NDUFC1: variants seen among roughly 807,000 people sequenced by gnomAD.
NDUFC1 encodes NADH dehydrogenase [ubiquinone] 1 subunit C1, mitochondrial.
NDUFC1 carries 11 observed loss-of-function variants against 11.6 expected under a neutral mutation model. The ratio of observed to expected loss-of-function variants is 0.95; its 90% CI spans 0.60 to 1.58. The LOEUF is 1.58. Among genes scored for constraint, NDUFC1 ranks in the 40% most tolerant of loss-of-function variants. The pLI is 0.00. For synonymous variants in NDUFC1, 52 were observed against 42.2 expected, an observed-to-expected ratio of 1.23 and a Z score of -0.90; for missense variants, 112 against 93.0, an observed-to-expected ratio of 1.20 and a Z score of -0.84.
At chr4:139,298,215 G>A (rs941850828) in intron 1 of NDUFC1, among the ~76,000 whole-genome samples, 14 of 152,130 alleles carry the variant, frequency 9.2e-5, no homozygotes, top group East Asian at 5.8e-4. Context: ...CGAGGCGGGC[G>A]GATCACCTGA....
chr4:139,292,345 C>G (rs1051641954), intron 5 of NDUFC1, among the ~76,000 whole-genome samples, 185 bp downstream of exon 5: 2 of 151,788 alleles, frequency 1.3e-5, no homozygotes, highest in East Asian at 1.9e-4. Flanking sequence ...CCCCATCCCC[C>G]CCAAAACAAA....
chr4:139,291,737 T>C (rs1161163002), intron 5 of NDUFC1, among the ~76,000 whole-genome samples: 1 of 152,152 alleles, frequency 6.6e-6, no homozygotes, highest in Non-Finnish European at 1.5e-5. Flanking sequence ...CAAACAGACA[T>C]TAAGAAATAC....
At chr4:139,291,000 TG>T (rs1745187751) in intron 5 of NDUFC1, among the ~76,000 whole-genome samples, 1 of 151,396 alleles carries the variant, frequency 6.6e-6, no homozygotes. Context: ...TTAGTACTGA[TG>T]GGGTTTCGCC....
At chr4:139,301,764 G>T in intron 1 of NDUFC1, 1 of 1,566,852 alleles carries the variant, frequency 6.4e-7, no homozygotes, top group African/African-American at 1.4e-5. Flanking sequence ...GGAGCAGCGG[G>T]AGCAGCCGGA....
At chr4:139,302,358 C>G (rs1468154380) in intron 1 of NDUFC1, 58 bp downstream of exon 1, 1 of 153,830 alleles carries the variant, frequency 6.5e-6, no homozygotes, top group Non-Finnish European at 1.4e-5. Context: ...CACCCAATGA[C>G]CTGAGAGGAG....
intron 4 of NDUFC1, among the ~76,000 whole-genome samples, chr4:139,294,763 A>G (rs1745384816): frequency 6.6e-6 from 1 of 151,790 alleles, no homozygotes; most frequent in Non-Finnish European, 1.5e-5. Context: ...TATAATTACT[A>G]TTTAGTAAAA....
chr4:139,297,097 G>A (rs1560941880), intron 2 of NDUFC1, among the ~76,000 whole-genome samples: 1 of 152,170 alleles, frequency 6.6e-6, no homozygotes, highest in Non-Finnish European at 1.5e-5. Flanking sequence ...TGAATGTGCT[G>A]AGCCAGTTGT....
intron 5 of NDUFC1, among the ~76,000 whole-genome samples, chr4:139,290,451 T>C (rs1230817776): frequency 6.6e-6 from 1 of 151,856 alleles, no homozygotes; most frequent in Admixed American, 6.6e-5. Flanking sequence ...AGACTCATTT[T>C]ATCTCTTGAT....
intron 1 of NDUFC1, among the ~76,000 whole-genome samples, chr4:139,300,391 A>G (rs1199057299): frequency 6.6e-6 from 1 of 152,254 alleles, no homozygotes; most frequent in Non-Finnish European, 1.5e-5. Flanking sequence ...AAATTAAAAT[A>G]TCTTTGCAAA....
chr4:139,290,716 C>CATAT (rs376295863), intron 5 of NDUFC1, among the ~76,000 whole-genome samples: 86 of 145,798 alleles, frequency 5.9e-4, no homozygotes, highest in African/African-American at 9.4e-4. Context: ...AGAAATACAC[C>CATAT]ATATATATAT....
intron 1 of NDUFC1, 64 bp downstream of exon 1, chr4:139,302,352 C>CAATG (rs1745820187): frequency 6.5e-6 from 1 of 154,266 alleles, no homozygotes; most frequent in African/African-American, 2.4e-5. Flanking sequence ...CGGGGTCACC[C>CAATG]AATGACCTGA....
At chr4:139,292,661 A>C (rs951757486) in intron 4 of NDUFC1, 52 bp from the exon 5 acceptor site, 1 of 1,164,390 alleles carries the variant, frequency 8.6e-7, no homozygotes, top group East Asian at 2.5e-5. Context: ...CTGGATACTT[A>C]TATTTTGTAA....
intron 1 of NDUFC1, among the ~76,000 whole-genome samples, chr4:139,298,411 C>T (rs557852095): frequency 7.0e-6 from 1 of 142,670 alleles, no homozygotes; most frequent in South Asian, 2.2e-4. Flanking sequence ...GCACTCTAGC[C>T]TGGGCGACAA....
chr4:139,292,347 C>CCG (rs1745263962), intron 5 of NDUFC1, among the ~76,000 whole-genome samples, 183 bp downstream of exon 5: 1 of 151,536 alleles, frequency 6.6e-6, no homozygotes, highest in South Asian at 2.1e-4. Context: ...CCATCCCCCC[C>CCG]AAAACAAAAC....
intron 1 of NDUFC1, chr4:139,301,694 A>C: frequency 6.8e-7 from 1 of 1,472,512 alleles, no homozygotes; most frequent in Non-Finnish European, 9.2e-7. Flanking sequence ...AGGCTGAAGC[A>C]GCTACGGAAC....
intron 4 of NDUFC1, among the ~76,000 whole-genome samples, chr4:139,294,035 G>T (rs1324233346): frequency 6.9e-6 from 1 of 143,908 alleles, no homozygotes; most frequent in East Asian, 2.1e-4. Context: ...TCCACCTCCC[G>T]GGTTCACACC....
At chr4:139,300,523 A>T (rs1342597531) in intron 1 of NDUFC1, 1 of 152,260 alleles carries the variant, frequency 6.6e-6, no homozygotes, top group Non-Finnish European at 1.5e-5. Flanking sequence ...AAAGTGGCTC[A>T]TATAACTTGA....
At chr4:139,295,630 G>T in intron 3 of NDUFC1, 102 bp downstream of exon 3, 1 of 1,333,442 alleles carries the variant, frequency 7.5e-7, no homozygotes, top group Non-Finnish European at 1.0e-6. Context: ...GGTCACTGCA[G>T]GACGAACCCG....
At chr4:139,291,919 C>T (rs1031980111) in intron 5 of NDUFC1, among the ~76,000 whole-genome samples, 2 of 151,560 alleles carry the variant, frequency 1.3e-5, no homozygotes, top group Non-Finnish European at 2.9e-5. Context: ...TCACTGCAAA[C>T]TCTGCCTCCC....
Sources: gnomAD v4.1 joint callset for allele counts (sites outside exome capture counted in the v4.1 genomes callset) on GRCh38, gnomAD v4.1.1 for gene constraint, MANE v1.5 for transcripts, NCBI Gene and HGNC (gene_info 2026-07-23, HGNC 2026-07-21) for gene names.